Variants in GRID2 observed in about 807,000 individuals in gnomAD.
GRID2 encodes glutamate ionotropic receptor delta type subunit 2.
Under a neutral mutation model 114.8 loss-of-function variants are expected in GRID2, and 33 were observed. The ratio of observed to expected loss-of-function variants is 0.29; its 90% CI spans 0.22 to 0.38. The LOEUF (loss-of-function observed/expected upper bound fraction) is 0.38. Ranked by LOEUF, GRID2 falls within the 10% of genes least tolerant of loss-of-function variation. The pLI is 1.00. For synonymous variants in GRID2, 505 were observed against 449.9 expected (o/e 1.12, Z -1.55); for missense variants, 1,184 against 1,257.7 (o/e 0.94, Z 0.89).
chr4:93,189,980 AT>A (rs1740829617), intron 4 of GRID2, among the ~76,000 whole-genome samples: 1 of 152,080 alleles, frequency 6.6e-6, no homozygotes, highest in Admixed American at 6.6e-5. Flanking sequence ...GGTGGTTTTA[AT>A]TTCTGTTGCC....
chr4:92,960,355 G>A (rs533748511), intron 2 of GRID2, among the ~76,000 whole-genome samples: 2 of 151,990 alleles, frequency 1.3e-5, no homozygotes, highest in East Asian at 1.9e-4. Context: ...TCTGATAGAG[G>A]GGTGCTGAAG....
At chr4:93,113,450 TG>T (rs1240870714) in intron 4 of GRID2, among the ~76,000 whole-genome samples, 1 of 152,190 alleles carries the variant, frequency 6.6e-6, no homozygotes, top group Non-Finnish European at 1.5e-5. Context: ...AATGCATGAC[TG>T]GAGACCAGGA....
chr4:93,697,871 A>ATG (rs1727171201), intron 14 of GRID2, among the ~76,000 whole-genome samples: 1 of 113,950 alleles, frequency 8.8e-6, no homozygotes, highest in South Asian at 2.8e-4. Flanking sequence ...CAATGTGTGT[A>ATG]TATATATATT....
intron 3 of GRID2, among the ~76,000 whole-genome samples, chr4:93,095,009 G>A (rs989276203): frequency 6.6e-6 from 1 of 151,692 alleles, no homozygotes. Context: ...AACACAAAGT[G>A]TAAGAAAATA....
At chr4:93,087,192 G>A (rs1414681265) in intron 3 of GRID2, among the ~76,000 whole-genome samples, 3 of 150,804 alleles carry the variant, frequency 2.0e-5, no homozygotes, top group African/African-American at 7.3e-5. Context: ...GTGCCAACAC[G>A]CCTAGCTATT....
chr4:93,527,736 T>C (rs1197385056), intron 13 of GRID2, among the ~76,000 whole-genome samples: 1 of 152,148 alleles, frequency 6.6e-6, no homozygotes, highest in East Asian at 1.9e-4. Flanking sequence ...TTCACCATCT[T>C]AACCATTTTA....
chr4:93,244,862 C>A (rs1400551631), intron 8 of GRID2, among the ~76,000 whole-genome samples: 3 of 151,238 alleles, frequency 2.0e-5, no homozygotes, highest in Admixed American at 6.6e-5. Flanking sequence ...TTTGGTATTA[C>A]CCTGTTTTAT....
At chr4:92,610,255 A>G (rs191093615) in intron 2 of GRID2, among the ~76,000 whole-genome samples, 14 of 151,736 alleles carry the variant, frequency 9.2e-5, no homozygotes, top group Non-Finnish European at 1.9e-4. Flanking sequence ...GGGACAATGC[A>G]TTAGGGGATG....
At chr4:93,358,912 G>C (rs1331354558) in intron 8 of GRID2, among the ~76,000 whole-genome samples, 1 of 152,034 alleles carries the variant, frequency 6.6e-6, no homozygotes, top group Non-Finnish European at 1.5e-5. Context: ...ATTTAACAAT[G>C]GGAAGAAAGT....
chr4:92,961,532 G>A (rs1461671492), intron 2 of GRID2, among the ~76,000 whole-genome samples: 6 of 151,472 alleles, frequency 4.0e-5, no homozygotes, highest in Non-Finnish European at 8.8e-5. Context: ...TTTCTGATAA[G>A]TCAGATATAA....
At chr4:92,999,550 T>A (rs1239401501) in intron 2 of GRID2, among the ~76,000 whole-genome samples, 1 of 151,752 alleles carries the variant, frequency 6.6e-6, no homozygotes, top group Non-Finnish European at 1.5e-5. Context: ...TACTTATTAG[T>A]ATTTTTCAGG....
chr4:92,779,237 C>G (rs1738955408), intron 2 of GRID2, among the ~76,000 whole-genome samples: 2 of 141,616 alleles, frequency 1.4e-5, no homozygotes, highest in African/African-American at 5.5e-5. Flanking sequence ...AATCTGTGTC[C>G]TTAACGGAAT....
intron 14 of GRID2, among the ~76,000 whole-genome samples, chr4:93,741,267 C>A (rs1731396713): frequency 7.1e-6 from 1 of 141,504 alleles, no homozygotes; most frequent in Admixed American, 7.4e-5. Context: ...AGATACAGAC[C>A]CAGGAGCCTG....
chr4:92,426,481 A>C (rs555560443), intron 1 of GRID2, among the ~76,000 whole-genome samples: 4 of 152,154 alleles, frequency 2.6e-5, no homozygotes, highest in Non-Finnish European at 5.9e-5. Flanking sequence ...TGACAGCAGC[A>C]ATCAGTATTA....
intron 13 of GRID2, among the ~76,000 whole-genome samples, chr4:93,590,462 G>C (rs375469152): frequency 1.3e-5 from 2 of 149,750 alleles, no homozygotes; most frequent in Non-Finnish European, 3.0e-5. Context: ...CTGTAGCCTT[G>C]TAGTATAGTT....
At chr4:93,630,989 G>A (rs965249076) in intron 14 of GRID2, among the ~76,000 whole-genome samples, 20 of 152,006 alleles carry the variant, frequency 1.3e-4, no homozygotes, top group South Asian at 6.2e-4. Context: ...ATAATAACCC[G>A]TGAGGTAAAT....
chr4:92,316,692 C>T (rs188138589), intron 1 of GRID2, among the ~76,000 whole-genome samples: 27 of 152,000 alleles, frequency 1.8e-4, no homozygotes, highest in African/African-American at 4.6e-4. Flanking sequence ...CCCAGCTGAA[C>T]GACTGTGGTC....
At chr4:92,589,536 T>C (rs2149210471) in intron 1 of GRID2, among the ~76,000 whole-genome samples, 2 of 152,340 alleles carry the variant, frequency 1.3e-5, no homozygotes, top group South Asian at 4.1e-4. Context: ...CATTAGGACT[T>C]ACATTAGTTC....
At position 93,533,245 on chromosome 4, in the gene GRID2, T is replaced by TCTTCCTTC. The variant is rs755045834; in HGVS notation, c.2193+17899_2193+17906dup. On this transcript the variant is annotated intron_variant, in intron 13 of 15. Transcript: ENST00000282020. ...AATCTTGTAGGGCCCTTTCTTTCTCTCTTCCTTCCTTCCTTCCTTCCTTCC... is the reference window on the plus strand; with the variant it reads ...AATCTTGTAGGGCCCTTTCTTTCTCTCTTCCTTCCTTCCTTCCTTCCTTCCTTCCTTCC... Among the ~76,000 whole-genome samples the TCTTCCTTC allele has an allele frequency of 4.2e-3, 440 of 105,758 alleles. 4 individuals carry two copies. Among genetic ancestry groups the TCTTCCTTC allele is most frequent in the East Asian group, 9.9e-3 (33 of 3,322 alleles). 69.4% of individuals were successfully genotyped at this position (105,758 alleles called of 152,430 possible). A position where few individuals can be genotyped will look rare whatever the true frequency, so the allele number is the denominator to read the frequency against.
Sources: gnomAD v4.1 joint callset for allele counts (sites outside exome capture counted in the v4.1 genomes callset) on GRCh38, gnomAD v4.1.1 for gene constraint, MANE v1.5 for transcripts, NCBI Gene and HGNC (gene_info 2026-07-23, HGNC 2026-07-21) for gene names.